Variants in PKD1L1 observed in about 807,000 individuals in gnomAD.
The protein encoded by PKD1L1 is polycystin-1-like protein 1.
Under a neutral mutation model 323.4 loss-of-function variants are expected in PKD1L1, and 236 were observed. The ratio of observed to expected loss-of-function variants is 0.73; its 90% CI spans 0.66 to 0.81. PKD1L1 has a LOEUF of 0.81. Among genes scored for constraint, PKD1L1 ranks in the 40% least tolerant of loss-of-function variants. The probability of loss-of-function intolerance (pLI) is 0.00; values close to 1 mark genes in which losing one functional copy is unlikely to be tolerated. For missense variants in PKD1L1, 3,320 were observed against 3,508.0 expected (o/e 0.95, Z 1.35); for synonymous variants, 1,344 against 1,335.0 (o/e 1.01, Z -0.15).
chr7:47,807,035 C>T (rs910354690), intron 52 of PKD1L1, among the ~76,000 whole-genome samples: 1 of 151,944 alleles, frequency 6.6e-6, no homozygotes, highest in African/African-American at 2.4e-5. Flanking sequence ...CTCTGTCCAC[C>T]CTGGTCAGCT....
chr7:47,837,679 G>A (rs1421441546), intron 36 of PKD1L1, among the ~76,000 whole-genome samples: 1 of 152,156 alleles, frequency 6.6e-6, no homozygotes, highest in Non-Finnish European at 1.5e-5. Context: ...GTGGGGCTGA[G>A]TCACCTCCAC....
intron 49 of PKD1L1, among the ~76,000 whole-genome samples, chr7:47,812,643 A>G (rs1345011441): frequency 6.6e-6 from 1 of 152,144 alleles, no homozygotes; most frequent in Non-Finnish European, 1.5e-5. Flanking sequence ...GTGGCTGTGG[A>G]CAACAGTGTG....
intron 46 of PKD1L1, chr7:47,819,615 C>A: frequency 3.9e-6 from 5 of 1,285,356 alleles, no homozygotes; most frequent in Non-Finnish European, 5.2e-6. Flanking sequence ...GAAAATTCCA[C>A]TTAATTTCAC....
chr7:47,955,290 G>C, the PKD1L1 span, among the ~76,000 whole-genome samples: 1 of 152,214 alleles, frequency 6.6e-6, no homozygotes, highest in Non-Finnish European at 1.5e-5. Context: ...AAAAGAGTCT[G>C]AAGTCCAATG....
At chr7:47,937,260 G>C (rs1195287696) in intron 3 of PKD1L1, among the ~76,000 whole-genome samples, 9 of 2,144 alleles carry the variant, frequency 4.2e-3, no homozygotes, top group African/African-American at 0.022. Context: ...GGGTGGGGGT[G>C]GGGGGGGGGG....
At position 47,902,518 on chromosome 7, in the gene PKD1L1, C is replaced by T. The variant is rs371126520; in HGVS notation, c.1932-7G>A. ...CACTGTAAATTCTCCTTCCCTGGGA[C>T]GGTGGAAAGCACAGAAATGAACAAA... is the stretch of plus-strand genomic sequence containing the variant. On this transcript the variant is annotated splice_polypyrimidine_tract_variant and splice_region_variant and intron_variant, in intron 12 of 56. Transcript: ENST00000289672. 3.9e-5 allele frequency: 63 copies of T among 1,613,042 alleles called. No homozygotes were observed. The highest frequency in any genetic ancestry group is 1.6e-4 in the African/African-American group (12 of 74,854).
At chr7:47,790,334 A>ATTTTTTTTTT (rs35927380) in intron 56 of PKD1L1, among the ~76,000 whole-genome samples, 115 of 146,516 alleles carry the variant, frequency 7.8e-4, no homozygotes, top group African/African-American at 2.7e-3. Context: ...TAAATAAATA[A>ATTTTTTTTTT]TTTTTTTTTT....
rs139229601 is a variant in PKD1L1 at position 47,829,583 on chromosome 7, C to G, written c.6577G>C (p.Gly2193Arg). Residue 2193 changes from glycine (G) to arginine (R), a missense_variant, in exon 44 of 57, where the codon GGT (glycine) becomes CGT (arginine). Transcript: ENST00000289672. ...QPLMVCLMAL[G>R]FAWKRRADNH... ...TCAGCTCTTCTTTTCCAAGCAAAAC[C>G]CAAGGCCATGAGGCATACCTGGAAG... The G allele has an allele frequency of 3.0e-5, 48 of 1,612,312 alleles. No individual in the cohort carries two copies. The highest frequency in any genetic ancestry group is 3.5e-5 in the Non-Finnish European group (41 of 1,179,470).
chr7:47,847,685 T>C (rs1471902777), intron 31 of PKD1L1, among the ~76,000 whole-genome samples: 2 of 152,182 alleles, frequency 1.3e-5, no homozygotes, highest in African/African-American at 4.8e-5. Context: ...TGTAAAAATA[T>C]GGGCACCTCA....
At chr7:47,876,780 T>C (rs1399885260) in intron 22 of PKD1L1, among the ~76,000 whole-genome samples, 3 of 151,926 alleles carry the variant, frequency 2.0e-5, no homozygotes, top group Non-Finnish European at 2.9e-5. Flanking sequence ...GGCATTCATC[T>C]TTTTTTAAAT....
intron 42 of PKD1L1, among the ~76,000 whole-genome samples, chr7:47,830,709 T>C (rs1340527432): frequency 6.6e-6 from 1 of 152,172 alleles, no homozygotes; most frequent in East Asian, 1.9e-4. Flanking sequence ...TTGTGGTTTA[T>C]GAACCACACT....
chr7:47,959,763 G>A, the PKD1L1 span, among the ~76,000 whole-genome samples: 3 of 141,996 alleles, frequency 2.1e-5, no homozygotes, highest in African/African-American at 5.2e-5. Context: ...TCAGCCCCCC[G>A]CCCGGCCAGC....
chr7:47,905,649 T>C (rs887865868), intron 10 of PKD1L1, among the ~76,000 whole-genome samples, 194 bp downstream of exon 10: 18 of 152,198 alleles, frequency 1.2e-4, no homozygotes, highest in East Asian at 9.6e-4. Flanking sequence ...ATTCCTTCAA[T>C]TGGGAGCCTT....
chr7:47,908,660 A>G (rs1276202573), intron 8 of PKD1L1, among the ~76,000 whole-genome samples: 1 of 152,252 alleles, frequency 6.6e-6, no homozygotes, highest in East Asian at 1.9e-4. Context: ...ATATCAAATA[A>G]CTATGATGAT....
intron 13 of PKD1L1, among the ~76,000 whole-genome samples, chr7:47,899,906 A>C (rs1040555225): frequency 1.6e-4 from 23 of 144,972 alleles, no homozygotes; most frequent in Non-Finnish European, 2.8e-4. Flanking sequence ...CAGTGAGCCC[A>C]GATTGCACCA....
chr7:47,855,094 C>T (rs909003662), intron 29 of PKD1L1, 55 bp from the exon 30 acceptor site: 11 of 1,608,006 alleles, frequency 6.8e-6, no homozygotes, highest in South Asian at 1.1e-5. Flanking sequence ...AAAATAAACA[C>T]ATTAAAAATC....
Position 47,881,063 on chromosome 7 carries a change from A to G in PKD1L1, c.3443-258T>C, listed in dbSNP as rs533165833. ...AATGACACTAATGTCCCAAGCAACAAGAGAATTCTGTTAGGATCTTATTTT... is the reference window on the plus strand; with the variant it reads ...AATGACACTAATGTCCCAAGCAACAGGAGAATTCTGTTAGGATCTTATTTT... On this transcript the variant is annotated intron_variant, in intron 20 of 56. Coordinates refer to ENST00000289672, the MANE Select transcript of PKD1L1 (RefSeq NM_138295.5). 2.6e-5 allele frequency among the ~76,000 whole-genome samples: 4 copies of G among 152,176 alleles called. No individual in the cohort carries two copies. In the East Asian group the frequency reaches 5.8e-4, roughly 22 times the overall value.
intron 56 of PKD1L1, among the ~76,000 whole-genome samples, chr7:47,786,133 T>C (rs1786801661): frequency 6.6e-6 from 1 of 152,188 alleles, no homozygotes; most frequent in Admixed American, 6.5e-5. Context: ...TGTTAGAAAA[T>C]ACCAAAGTCA....
chr7:47,848,674 G>T (rs921500633), intron 31 of PKD1L1, among the ~76,000 whole-genome samples: 2 of 152,034 alleles, frequency 1.3e-5, no homozygotes, highest in Non-Finnish European at 2.9e-5. Flanking sequence ...GTGTGGTGGC[G>T]CATGCCTGTA....
Sources: allele counts gnomAD v4.1 joint callset (sites outside exome capture counted in the v4.1 genomes callset), GRCh38; gene constraint gnomAD v4.1.1; transcripts MANE v1.5; gene names NCBI Gene and HGNC (gene_info 2026-07-23, HGNC 2026-07-21).